PPP2R2C: variants seen among roughly 807,000 people sequenced by gnomAD.
PPP2R2C encodes the protein protein phosphatase 2 regulatory subunit Bgamma, also known as protein phosphatase 2, regulatory subunit B, gamma.
Under a neutral mutation model 45.3 loss-of-function variants are expected in PPP2R2C, and 10 were observed. The ratio of observed to expected loss-of-function variants is 0.22; its 90% CI spans 0.14 to 0.37. The LOEUF (loss-of-function observed/expected upper bound fraction) is 0.37, where lower values mean the gene tolerates loss of function less well. PPP2R2C is among the 10% of genes least tolerant of loss of function. The probability of loss-of-function intolerance (pLI) is 1.00; values close to 1 mark genes in which losing one functional copy is unlikely to be tolerated. For missense variants in PPP2R2C, 308 were observed against 619.7 expected (o/e 0.50, Z 5.34); for synonymous variants, 257 against 245.4 (o/e 1.05, Z -0.44).
At chr4:6,418,864 G>C (rs1323682647) in intron 1 of PPP2R2C, among the ~76,000 whole-genome samples, 1 of 152,090 alleles carries the variant, frequency 6.6e-6, no homozygotes, top group Non-Finnish European at 1.5e-5. Context: ...CCTGTACTAA[G>C]TGTCATGCCT....
intron 2 of PPP2R2C, among the ~76,000 whole-genome samples, chr4:6,379,735 C>T (rs1184805049): frequency 6.6e-6 from 1 of 152,164 alleles, no homozygotes; most frequent in Non-Finnish European, 1.5e-5. Context: ...AGGATGTGCC[C>T]CTTGTCAACT....
At chr4:6,547,949 A>G (rs570655203) in intron 1 of PPP2R2C, among the ~76,000 whole-genome samples, 16 of 152,278 alleles carry the variant, frequency 1.1e-4, no homozygotes, top group East Asian at 1.9e-4. Context: ...CAGGCACGGT[A>G]GCTCACACCT....
chr4:6,480,461 T>G (rs1722312241), intron 2 of PPP2R2C, among the ~76,000 whole-genome samples: 1 of 152,224 alleles, frequency 6.6e-6, no homozygotes, highest in South Asian at 2.1e-4. Flanking sequence ...TCCCAGAAAT[T>G]GGCAAATTCT....
In PPP2R2C at chr4:6,349,690, A is replaced by T. The variant is rs370842264; in HGVS notation, c.626-1680T>A. The stretch of plus-strand genomic sequence containing the variant: ...CCCGTCTCTACTAAAATACAAAAAG[A>T]AATTAGTTGGAGACAAGCCTGACCA... On this transcript the variant is annotated intron_variant, in intron 5 of 8. Transcript: ENST00000382599. 52 of 795,934 alleles carry T rather than the reference A, an allele frequency of 6.5e-5. No individual in the cohort carries two copies. The Middle Eastern group carries it at 1.9e-3, about 29-fold the overall frequency. 49.3% of individuals were successfully genotyped at this position (795,934 alleles called of 1,614,324 possible).
chr4:6,435,548 G>C (rs1356541895), intron 1 of PPP2R2C, among the ~76,000 whole-genome samples: 3 of 152,190 alleles, frequency 2.0e-5, no homozygotes, highest in Admixed American at 2.0e-4. Flanking sequence ...GGAGGATCTT[G>C]AGATAGAGCT....
intron 2 of PPP2R2C, among the ~76,000 whole-genome samples, chr4:6,531,948 C>A (rs561093698): frequency 8.5e-4 from 130 of 152,352 alleles, no homozygotes; most frequent in Non-Finnish European, 1.3e-3. Flanking sequence ...CAGGTCTCAT[C>A]CCCCAAGGCT....
chr4:6,458,259 T>C (rs184940924), intron 1 of PPP2R2C, among the ~76,000 whole-genome samples: 2 of 152,328 alleles, frequency 1.3e-5, no homozygotes, highest in Non-Finnish European at 2.9e-5. Context: ...CTTAGTCTGT[T>C]CAGGCTGCTA....
In PPP2R2C at chr4:6,348,625, T is replaced by C. The variant is rs1023447809; in HGVS notation, c.626-615A>G. ...CCCACCTCGGCTCTGATCTGTGCTC[T>C]CCAGACCCCAGGACTTGGAATACTG... On this transcript the variant is annotated intron_variant, in intron 5 of 8. Coordinates refer to ENST00000382599, the MANE Select transcript of PPP2R2C (RefSeq NM_020416.4). 2.0e-5 allele frequency: 20 copies of C among 984,754 alleles called. No individual in the cohort carries two copies. The South Asian group carries it at 6.6e-4, about 32-fold the overall frequency. 61.0% of individuals were successfully genotyped at this position (984,754 alleles called of 1,614,324 possible). A position where few individuals can be genotyped will look rare whatever the true frequency, so the allele number is the denominator to read the frequency against.
chr4:6,381,388 G>C (rs1316890093), intron 1 of PPP2R2C: 3 of 1,458,492 alleles, frequency 2.1e-6, no homozygotes, highest in East Asian at 5.7e-5. Context: ...CACTCTATGG[G>C]ACTCACGGTG....
intron 2 of PPP2R2C, among the ~76,000 whole-genome samples, chr4:6,504,700 A>C (rs1481765500): frequency 6.6e-6 from 1 of 152,214 alleles, no homozygotes; most frequent in Non-Finnish European, 1.5e-5. Context: ...GCAGATAACA[A>C]ATTCCAGAAG....
At chr4:6,350,967 A>G in intron 5 of PPP2R2C, 1 of 985,250 alleles carries the variant, frequency 1.0e-6, no homozygotes, top group South Asian at 4.7e-5. Context: ...TGTCCACCCA[A>G]ACGCTCTTTC....
At chr4:6,480,788 A>C (rs1261348067) in intron 2 of PPP2R2C, among the ~76,000 whole-genome samples, 5 of 152,256 alleles carry the variant, frequency 3.3e-5, no homozygotes, top group African/African-American at 1.2e-4. Flanking sequence ...GAAGCAATTT[A>C]CACTCCTACA....
chr4:6,494,380 T>C (rs921288660), intron 2 of PPP2R2C, among the ~76,000 whole-genome samples: 2 of 152,210 alleles, frequency 1.3e-5, no homozygotes, highest in African/African-American at 2.4e-5. Context: ...TTGGACCCTC[T>C]AACACATTCA....
Position 6,467,720 on chromosome 4 carries a change from C to A in PPP2R2C, c.70+4440G>T, listed in dbSNP as rs182178049. Among the ~76,000 whole-genome samples the A allele has an allele frequency of 8.5e-5, 13 of 152,258 alleles. No homozygotes were observed. In the East Asian group the frequency reaches 2.5e-3, roughly 29 times the overall value. ...TGCTATGGGCTGCAAGTAACGGAGA[C>A]TTGAAAGTGCACAACGAAAAGGAAA... On this transcript the variant is annotated intron_variant, in intron 1 of 8. Coordinates refer to ENST00000382599, the MANE Select transcript of PPP2R2C (RefSeq NM_020416.4).
At chr4:6,340,510 C>T (rs571781960) in intron 6 of PPP2R2C, among the ~76,000 whole-genome samples, 6 of 152,154 alleles carry the variant, frequency 3.9e-5, no homozygotes, top group African/African-American at 1.2e-4. Context: ...CTGTACAGAG[C>T]CTGAAGCCAT....
chr4:6,476,273 C>G (rs1722140716), upstream of PPP2R2C, among the ~76,000 whole-genome samples: 1 of 152,208 alleles, frequency 6.6e-6, no homozygotes, highest in African/African-American at 2.4e-5. Context: ...CCTCACTCCC[C>G]TCTCTCTCCA....
intron 1 of PPP2R2C, among the ~76,000 whole-genome samples, chr4:6,408,059 C>G (rs972452984): frequency 1.3e-5 from 2 of 152,146 alleles, no homozygotes; most frequent in Non-Finnish European, 1.5e-5. Context: ...TTTCTTTTTA[C>G]GTGCATAACC....
At chr4:6,406,826 A>G (rs1717828203) in intron 1 of PPP2R2C, among the ~76,000 whole-genome samples, 1 of 152,202 alleles carries the variant, frequency 6.6e-6, no homozygotes, top group South Asian at 2.1e-4. Flanking sequence ...TAATCCCTGG[A>G]ACTTGTGAAT....
rs184458120 is a variant in PPP2R2C at position 6,450,371 on chromosome 4, A to G, written c.70+21789T>C. Reference sequence around the variant, plus strand: ...TCAGTGCCTCCACTTTAACCAGAACATGGGGTCTCTCACTTTATTGAGCAA... The same window carrying G: ...TCAGTGCCTCCACTTTAACCAGAACGTGGGGTCTCTCACTTTATTGAGCAA... On this transcript the variant is annotated intron_variant, in intron 1 of 8. Transcript: ENST00000382599. 2.1e-3 allele frequency among the ~76,000 whole-genome samples: 316 copies of G among 152,266 alleles called. No individual in the cohort carries two copies. The Middle Eastern group carries it at 0.027, about 13-fold the overall frequency.
Sources: allele counts gnomAD v4.1 joint callset (sites outside exome capture counted in the v4.1 genomes callset), GRCh38; gene constraint gnomAD v4.1.1; transcripts MANE v1.5; gene names NCBI Gene and HGNC (gene_info 2026-07-23, HGNC 2026-07-21).